The following CEP192 variants were observed in gnomAD, a reference collection of about 807,000 sequenced individuals.
The protein encoded by CEP192 is centrosomal protein 192.
CEP192 carries 151 observed loss-of-function variants against 271.8 expected under a neutral mutation model. The ratio of observed to expected loss-of-function variants is 0.56; its 90% CI spans 0.49 to 0.64. The LOEUF (loss-of-function observed/expected upper bound fraction) is 0.64. CEP192 is among the 30% of genes least tolerant of loss of function. The pLI is 0.00. For synonymous variants in CEP192, 995 were observed against 1,076.5 expected (o/e 0.92, Z 1.48); for missense variants, 2,910 against 3,020.5 (o/e 0.96, Z 0.86).
At position 13,038,484 on chromosome 18, in the gene CEP192, G is replaced by A. The variant is rs2036029949; in HGVS notation, c.1714G>A (p.Asp572Asn). 1 of 1,551,500 alleles carries A rather than the reference G, an allele frequency of 6.4e-7. No homozygotes were observed. The highest frequency in any genetic ancestry group is 8.7e-7 in the Non-Finnish European group (1 of 1,146,826). Residue 572 changes from aspartate (D) to asparagine (N), a missense_variant, in exon 13 of 45, where the codon GAT (aspartate) becomes AAT (asparagine). Asp to Asn is a conservative substitution (Grantham distance 23). Transcript: ENST00000506447. ...KSRSTSDLDK[D>N]DASYLRLSLG... is the part of the protein sequence containing the mutation. Reference sequence around the variant, plus strand: ...ACGTAGCACATCAGATTTGGATAAAGATGATGCCAGTTATTTACGTCTGTC... The same window carrying A: ...ACGTAGCACATCAGATTTGGATAAAAATGATGCCAGTTATTTACGTCTGTC...
chr18:13,039,412 C>T (rs1001468589), intron 13 of CEP192, among the ~76,000 whole-genome samples: 5 of 149,970 alleles, frequency 3.3e-5, no homozygotes, highest in Admixed American at 6.7e-5. Flanking sequence ...GCCGAGATCA[C>T]GCCACTGCAC....
intron 24 of CEP192, 71 bp from the exon 25 acceptor site, chr18:13,068,781 G>A (rs1199902517): frequency 1.9e-6 from 3 of 1,553,062 alleles, no homozygotes; most frequent in Non-Finnish European, 2.7e-6. Flanking sequence ...GGCACTGTGT[G>A]GGACTGCTGA....
Position 13,072,782 on chromosome 18 carries a change from T to A in CEP192, c.5376T>A (p.Asn1792Lys), listed in dbSNP as rs762188383. The A allele has an allele frequency of 1.9e-5, 30 of 1,611,326 alleles. No homozygotes were observed. The highest frequency in any genetic ancestry group is 2.4e-5 in the Non-Finnish European group (28 of 1,177,570). Residue 1792 changes from asparagine (N) to lysine (K), a missense_variant, in exon 29 of 45, where the codon AAT becomes AAA. Asn to Lys is a moderately conservative substitution (Grantham distance 94, BLOSUM62 0). Coordinates refer to ENST00000506447, the MANE Select transcript of CEP192 (RefSeq NM_032142.4). ...TTCAGAAACTAGCTTTAAGAAATAATTCTGCATCTACAACTCAACATTTAC... is the reference window on the plus strand; with the variant it reads ...TTCAGAAACTAGCTTTAAGAAATAAATCTGCATCTACAACTCAACATTTAC... ...TQLQKLALRN[N>K]SASTTQHLRL...
rs970649326 is a variant in CEP192 at position 13,040,678 on chromosome 18, C to G, written c.1810-152C>G. 1.3e-5 allele frequency: 7 copies of G among 540,986 alleles called. No homozygotes were observed. In the African/African-American group the frequency reaches 1.4e-4, roughly 10 times the overall value. 33.5% of individuals were successfully genotyped at this position (540,986 alleles called of 1,614,324 possible). On this transcript the variant is annotated intron_variant, in intron 13 of 44. Transcript: ENST00000506447. ...AGGAAATGAAAGGTTCTACCTGGAC[C>G]TTTGAAGGTCATCTCTAGTAATTTG...
At chr18:13,084,380 C>A (rs1362949714) in intron 30 of CEP192, among the ~76,000 whole-genome samples, 2 of 151,290 alleles carry the variant, frequency 1.3e-5, no homozygotes, top group Admixed American at 1.3e-4. Context: ...GGATCTCAGA[C>A]TGCTGTGTTA....
chr18:13,121,803 C>A lies in CEP192; in HGVS notation c.7476-2829C>A, dbSNP rs546916033. Among the ~76,000 whole-genome samples, 10 of 152,314 alleles carry A rather than the reference C, an allele frequency of 6.6e-5. No individual in the cohort carries two copies. The South Asian group carries it at 1.2e-3, about 19-fold the overall frequency. The stretch of plus-strand genomic sequence containing the variant: ...AGGTGCACAATCCTGGCAGACCCTG[C>A]ATGTCATTTGGGAGAGAAGGACAGT... On this transcript the variant is annotated intron_variant, in intron 44 of 44. Coordinates refer to ENST00000506447, the MANE Select transcript of CEP192 (RefSeq NM_032142.4).
At chr18:13,059,576 T>C (rs1222163025) in intron 21 of CEP192, among the ~76,000 whole-genome samples, 1 of 152,250 alleles carries the variant, frequency 6.6e-6, no homozygotes, top group Non-Finnish European at 1.5e-5. Flanking sequence ...CATTGTATTA[T>C]TAGATGTGCA....
Position 13,056,451 on chromosome 18 carries a change from C to G in CEP192, c.3861C>G (p.Val1287=). The G allele has an allele frequency of 3.1e-6, 5 of 1,614,252 alleles. No individual in the cohort carries two copies. Among genetic ancestry groups the G allele is most frequent in the Non-Finnish European group, 4.2e-6 (5 of 1,180,038 alleles). The change falls in exon 19 of 45, where the codon GTC becomes GTG. Residue 1287 remains valine, a synonymous_variant. Transcript: ENST00000506447. ...AGTGCCATGCTGGCAATGCCACAGT[C>G]TGTGGCTTCTCAGGAGGCCTTCCCT... is the stretch of plus-strand genomic sequence containing the variant. ...LPQCHAGNAT[V]CGFSGGLPYP... is the part of the protein sequence containing the mutation.
In CEP192 at chr18:13,087,031, A is replaced by T. The variant is rs1255783957; in HGVS notation, c.5631A>T (p.Gly1877=). 1 of 1,611,046 alleles carries T rather than the reference A, an allele frequency of 6.2e-7. No individual in the cohort carries two copies. The highest frequency in any genetic ancestry group is 8.5e-7 in the Non-Finnish European group (1 of 1,177,476). Residue 1877 remains glycine, a synonymous_variant, in exon 31 of 45, where the codon GGA becomes GGT. Transcript: ENST00000506447. ...PGIKFTIPLS[G]YGGTSNLILE... is the part of the protein sequence containing the mutation. ...ATCTTTTTTAGATACCTTTGTCTGG[A>T]TATGGAGGAACAAGCAATCTTATTT...
At chr18:13,046,788 C>A (rs149867640) in intron 15 of CEP192, among the ~76,000 whole-genome samples, 5 of 144,398 alleles carry the variant, frequency 3.5e-5, no homozygotes, top group Admixed American at 1.4e-4. Flanking sequence ...TATTTCTGAT[C>A]TTTCATCTGA....
At chr18:13,084,235 T>C (rs1267355031) in intron 30 of CEP192, among the ~76,000 whole-genome samples, 1 of 152,134 alleles carries the variant, frequency 6.6e-6, no homozygotes. Context: ...AGAGGTGGGC[T>C]CTATAGAGGT....
At chr18:13,071,266 A>T in intron 28 of CEP192, 54 bp downstream of exon 28, 1 of 1,460,006 alleles carries the variant, frequency 6.8e-7, no homozygotes, top group Non-Finnish European at 9.4e-7. Flanking sequence ...TTTGGAGCAG[A>T]CTACAAATTA....
intron 3 of CEP192, among the ~76,000 whole-genome samples, chr18:13,007,914 G>T (rs2034082931): frequency 6.6e-6 from 1 of 152,204 alleles, no homozygotes; most frequent in Admixed American, 6.5e-5. Context: ...TCTTTCTGTG[G>T]TGAGCTGCTC....
intron 3 of CEP192, among the ~76,000 whole-genome samples, chr18:13,003,540 G>C (rs995002255): frequency 6.6e-6 from 1 of 151,920 alleles, no homozygotes; most frequent in Non-Finnish European, 1.5e-5. Context: ...CAGACTTCAG[G>C]CCAAAGGTGC....
At chr18:13,111,382 C>T (rs915798521) in intron 40 of CEP192, among the ~76,000 whole-genome samples, 4 of 152,332 alleles carry the variant, frequency 2.6e-5, no homozygotes, top group Non-Finnish European at 5.9e-5. Context: ...GCCTTGGCCT[C>T]CCAAAGTGCT....
intron 1 of CEP192, among the ~76,000 whole-genome samples, chr18:12,996,906 G>A (rs2033282269): frequency 6.6e-6 from 1 of 152,180 alleles, no homozygotes; most frequent in South Asian, 2.1e-4. Flanking sequence ...GCGTTCAGGA[G>A]AGGATGGGAG....
chr18:13,047,475 C>T (rs2036547062), intron 15 of CEP192, among the ~76,000 whole-genome samples: 1 of 152,190 alleles, frequency 6.6e-6, no homozygotes, highest in African/African-American at 2.4e-5. Context: ...CTTGAAGCAG[C>T]AGATATGCTT....
chr18:13,098,101 C>G (rs1598595276), intron 36 of CEP192, among the ~76,000 whole-genome samples: 2 of 152,356 alleles, frequency 1.3e-5, no homozygotes, highest in East Asian at 1.9e-4. Context: ...ACCTTTCCCC[C>G]TTTTCTATTC....
chr18:13,083,256 C>G (rs1401299927), intron 30 of CEP192, among the ~76,000 whole-genome samples: 1 of 152,212 alleles, frequency 6.6e-6, no homozygotes, highest in African/African-American at 2.4e-5. Context: ...TTCAGGTACA[C>G]CAATCAGATG....
Sources: gnomAD v4.1 joint callset for allele counts (sites outside exome capture counted in the v4.1 genomes callset) on GRCh38, gnomAD v4.1.1 for gene constraint, MANE v1.5 for transcripts, NCBI Gene and HGNC (gene_info 2026-07-23, HGNC 2026-07-21) for gene names.